PPIL4: variants seen among roughly 807,000 people sequenced by gnomAD.
PPIL4 encodes peptidyl-prolyl cis-trans isomerase-like 4.
Under a neutral mutation model 69.1 loss-of-function variants are expected in PPIL4, and 50 were observed. The ratio of observed to expected loss-of-function variants is 0.72; its 90% CI spans 0.58 to 0.92. The LOEUF (loss-of-function observed/expected upper bound fraction) is 0.92, where lower values mean the gene tolerates loss of function less well. Ranked by LOEUF, PPIL4 falls within the 40% of genes least tolerant of loss-of-function variation. The pLI is 0.00. For synonymous variants in PPIL4, 193 were observed against 191.6 expected, an observed-to-expected ratio of 1.01 and a Z score of -0.06; for missense variants, 480 against 587.9, an observed-to-expected ratio of 0.82 and a Z score of 1.90.
At chr6:149,531,396 G>A (rs1273874261) in intron 7 of PPIL4, among the ~76,000 whole-genome samples, 1 of 149,230 alleles carries the variant, frequency 6.7e-6, no homozygotes, top group East Asian at 2.0e-4. Context: ...TTAGCCAGGC[G>A]TGGGTGGCAG....
intron 5 of PPIL4, among the ~76,000 whole-genome samples, chr6:149,535,036 T>C (rs905395937): frequency 6.6e-5 from 10 of 152,200 alleles, no homozygotes; most frequent in African/African-American, 2.4e-4. Flanking sequence ...GCCCTACTTC[T>C]CAATTAAAAA....
At chr6:149,515,217 G>T (rs1334527337) in intron 11 of PPIL4, among the ~76,000 whole-genome samples, 5 of 147,356 alleles carry the variant, frequency 3.4e-5, no homozygotes, top group African/African-American at 1.3e-4. Flanking sequence ...AAACTTCTGG[G>T]CTCCAGCAAT....
At chr6:149,512,384 C>A in intron 11 of PPIL4, 82 bp from the exon 12 acceptor site, 1 of 1,064,892 alleles carries the variant, frequency 9.4e-7, no homozygotes, top group South Asian at 1.6e-5. Flanking sequence ...CAAAGGAGGT[C>A]ATAAGGCTAA....
intron 7 of PPIL4, among the ~76,000 whole-genome samples, chr6:149,528,164 T>C (rs775248288): frequency 2.0e-5 from 3 of 152,128 alleles, no homozygotes; most frequent in Non-Finnish European, 2.9e-5. Context: ...GATGGACTGC[T>C]TGGGTTCCAG....
intron 7 of PPIL4, among the ~76,000 whole-genome samples, chr6:149,529,664 G>A (rs776094606): frequency 5.3e-5 from 8 of 151,364 alleles, no homozygotes; most frequent in Non-Finnish European, 8.8e-5. Context: ...TCAGGAGGCT[G>A]AGGCAGGAGA....
At chr6:149,513,438 T>TATATATATAC (rs747681212) in intron 11 of PPIL4, among the ~76,000 whole-genome samples, 11 of 103,422 alleles carry the variant, frequency 1.1e-4, no homozygotes, top group African/African-American at 3.7e-4. Context: ...TATATATATA[T>TATATATATAC]ACATATAAAA....
intron 11 of PPIL4, among the ~76,000 whole-genome samples, chr6:149,515,406 A>G (rs1264170879): frequency 6.6e-6 from 1 of 151,990 alleles, no homozygotes; most frequent in East Asian, 1.9e-4. Flanking sequence ...CAGCCCTCCT[A>G]TCTCCCATAT....
At chr6:149,518,988 CAT>C (rs1340122122) in intron 10 of PPIL4, among the ~76,000 whole-genome samples, 9 of 152,260 alleles carry the variant, frequency 5.9e-5, no homozygotes, top group African/African-American at 2.2e-4. Context: ...GAATCAATAA[CAT>C]ATATAATTAT....
rs151307977 is a variant in PPIL4, at chr6:149,534,158, AAAAT to A, written c.561+516_561+519del. Among the ~76,000 whole-genome samples the A allele has an allele frequency of 0.03, 4,559 of 152,288 alleles. 369 individuals carry two copies. The East Asian group carries it at 0.32, about 11-fold the overall frequency. The stretch of plus-strand genomic sequence containing the variant: ...CAACAAAGTGAGACTCCATCTCAAA[AAAAT>A]AAATAAATATTTATATGGACACTAT... On this transcript the variant is annotated intron_variant, in intron 6 of 12. Coordinates refer to ENST00000253329, the MANE Select transcript of PPIL4 (RefSeq NM_139126.4).
intron 9 of PPIL4, among the ~76,000 whole-genome samples, chr6:149,521,950 A>G (rs1777036611): frequency 6.6e-6 from 1 of 152,218 alleles, no homozygotes; most frequent in Non-Finnish European, 1.5e-5. Flanking sequence ...TTTCTTTTAC[A>G]TTCCTGGAAA....
rs182193124 is a variant in PPIL4 at position 149,514,701 on chromosome 6, A to T, written c.1080-2399T>A. On this transcript the variant is annotated intron_variant, in intron 11 of 12. Transcript: ENST00000253329. ...TATTTAGTGGGCCACAACAGCATTT[A>T]AAAAAAAAAACAGAAATACAGTATA... Among the ~76,000 whole-genome samples, 274 of 138,264 alleles carry T rather than the reference A, an allele frequency of 2.0e-3. 1 individual carries two copies. Among genetic ancestry groups the T allele is most frequent in the African/African-American group, 8.1e-3 (264 of 32,618 alleles). The allele number at this position is 138,264 out of a possible 152,430, so 90.7% of individuals were successfully genotyped here.
intron 10 of PPIL4, chr6:149,517,726 T>A (rs1776968054): frequency 4.0e-6 from 1 of 250,344 alleles, no homozygotes; most frequent in African/African-American, 2.3e-5. Flanking sequence ...CGTGTTCAAG[T>A]AGAGCCATTG....
chr6:149,541,214 C>A (rs1183177690), intron 3 of PPIL4, among the ~76,000 whole-genome samples, 153 bp downstream of exon 3: 1 of 150,416 alleles, frequency 6.6e-6, no homozygotes, highest in African/African-American at 2.4e-5. Context: ...GGGAAAAAAT[C>A]TAAATTTAAA....
At chr6:149,509,350 A>C (rs1354862245) in intron 12 of PPIL4, among the ~76,000 whole-genome samples, 1 of 152,196 alleles carries the variant, frequency 6.6e-6, no homozygotes, top group Non-Finnish European at 1.5e-5. Flanking sequence ...AAACACAACC[A>C]GTCTGAAATT....
chr6:149,534,748 T>C lies in PPIL4; in HGVS notation c.491A>G (p.Asp164Gly), dbSNP rs1777248907. The part of the protein sequence containing the change: ...IRINHTVILD[D>G]PFDDPPDLLI... The stretch of plus-strand genomic sequence containing the variant: ...TAAATCAGGAGGGTCATCAAATGGA[T>C]CATCTAAAATCACCGTATGATTTAT... The change falls in exon 6 of 13, where the codon GAT (aspartate) becomes GGT (glycine). Residue 164 changes from aspartate to glycine, a missense_variant. Coordinates refer to ENST00000253329, the MANE Select transcript of PPIL4 (RefSeq NM_139126.4). 2 of 1,583,410 alleles carry C rather than the reference T, an allele frequency of 1.3e-6. No homozygotes were observed. Among genetic ancestry groups the C allele is most frequent in the Non-Finnish European group, 1.7e-6 (2 of 1,156,638 alleles).
At chr6:149,516,478 G>GA (rs546938377) in intron 11 of PPIL4, among the ~76,000 whole-genome samples, 63 of 150,778 alleles carry the variant, frequency 4.2e-4, no homozygotes, top group African/African-American at 1.4e-3. Flanking sequence ...TACATATGTA[G>GA]AAAAAAAAAT....
At chr6:149,523,295 C>CA (rs934842483) in intron 9 of PPIL4, among the ~76,000 whole-genome samples, 19 of 148,960 alleles carry the variant, frequency 1.3e-4, no homozygotes, top group African/African-American at 3.4e-4. Flanking sequence ...CCTTAAAAAA[C>CA]AAAAAAAAAG....
chr6:149,522,219 C>T, intron 9 of PPIL4, among the ~76,000 whole-genome samples: 1 of 152,128 alleles, frequency 6.6e-6, no homozygotes, highest in East Asian at 1.9e-4. Context: ...AAAGAGAAAG[C>T]TCTGAAGATC....
chr6:149,540,878 C>A, intron 4 of PPIL4, 64 bp downstream of exon 4: 1 of 996,158 alleles, frequency 1.0e-6, no homozygotes. Context: ...TAAAAAATAA[C>A]TCTGTGGGCT....
Sources: allele counts gnomAD v4.1 joint callset (sites outside exome capture counted in the v4.1 genomes callset), GRCh38; gene constraint gnomAD v4.1.1; transcripts MANE v1.5; gene names NCBI Gene and HGNC (gene_info 2026-07-23, HGNC 2026-07-21).